Variants in ASIC2 observed in about 807,000 individuals in gnomAD.
ASIC2 encodes the protein acid sensing ion channel subunit 2.
Under a neutral mutation model 57.3 loss-of-function variants are expected in ASIC2, and 25 were observed. That is an observed-to-expected ratio of 0.44 (90% CI 0.32 to 0.61). The LOEUF is 0.61. ASIC2 is among the 20% of genes least tolerant of loss of function. The pLI, the probability that ASIC2 is intolerant of heterozygous loss-of-function variation, is 0.06. For missense variants in ASIC2, 641 were observed against 738.1 expected, an observed-to-expected ratio of 0.87 and a Z score of 1.52; for synonymous variants, 319 against 307.5, an observed-to-expected ratio of 1.04 and a Z score of -0.39.
chr17:33,345,747 G>A (rs989941167), intron 1 of ASIC2, among the ~76,000 whole-genome samples: 24 of 152,206 alleles, frequency 1.6e-4, no homozygotes, highest in African/African-American at 5.1e-4. Flanking sequence ...TGGTTCCAAG[G>A]GCAACAGGTA....
intron 1 of ASIC2, among the ~76,000 whole-genome samples, chr17:33,427,027 C>T (rs1911242748): frequency 1.3e-5 from 2 of 152,274 alleles, no homozygotes; most frequent in African/African-American, 4.8e-5. Context: ...ACTTGAGGAG[C>T]TGCAGTTAAG....
At position 33,857,558 on chromosome 17, in the gene ASIC2, C is replaced by T. The variant is rs184403581; in HGVS notation, c.555+298420G>A. On this transcript the variant is annotated intron_variant, in intron 1 of 9. Coordinates refer to the ASIC2 transcript ENST00000359872. ...AGTCTAGGCTCAGAGGCCTCTGGGG[C>T]CACTGGTGAGACTCAGATGGACCTT... Among the ~76,000 whole-genome samples the T allele has an allele frequency of 2.8e-4, 42 of 152,324 alleles. No homozygotes were observed. In the East Asian group the frequency reaches 7.5e-3, roughly 27 times the overall value.
At chr17:33,670,053 AG>A (rs369429563) in intron 1 of ASIC2, among the ~76,000 whole-genome samples, 3 of 152,220 alleles carry the variant, frequency 2.0e-5, no homozygotes, top group African/African-American at 7.2e-5. Flanking sequence ...TGAGTGATGC[AG>A]AAAGGGAGGC....
intron 1 of ASIC2, among the ~76,000 whole-genome samples, chr17:34,023,463 G>A (rs1475397898): frequency 6.6e-6 from 1 of 151,820 alleles, no homozygotes; most frequent in Non-Finnish European, 1.5e-5. Flanking sequence ...GGCAGACTTT[G>A]CTATCATTTG....
At chr17:34,114,615 A>G (rs1207632203) in intron 1 of ASIC2, among the ~76,000 whole-genome samples, 1 of 152,204 alleles carries the variant, frequency 6.6e-6, no homozygotes, top group Admixed American at 6.5e-5. Flanking sequence ...GATGTACTAC[A>G]ATTTGCCCAA....
At chr17:33,290,628 C>A (rs547447209) in intron 1 of ASIC2, 1 of 152,378 alleles carries the variant, frequency 6.6e-6, no homozygotes, top group East Asian at 1.9e-4. Context: ...TGCTAGGATG[C>A]TTTCTCAACT....
intron 1 of ASIC2, among the ~76,000 whole-genome samples, chr17:33,193,203 A>G (rs191840233): frequency 2.5e-4 from 38 of 152,348 alleles, no homozygotes; most frequent in Middle Eastern, 3.4e-3. Context: ...TTAACACATG[A>G]TAAGTGTCAG....
intron 1 of ASIC2, among the ~76,000 whole-genome samples, chr17:33,475,009 T>G (rs1913173787): frequency 6.6e-6 from 1 of 152,204 alleles, no homozygotes; most frequent in Admixed American, 6.5e-5. Flanking sequence ...TCCAGGATGG[T>G]TTTTTGTTAC....
At chr17:33,646,424 G>A (rs764544199) in intron 1 of ASIC2, among the ~76,000 whole-genome samples, 2 of 152,170 alleles carry the variant, frequency 1.3e-5, no homozygotes, top group African/African-American at 4.8e-5. Context: ...GGGCTTGGAA[G>A]GGGAAAAGAA....
intron 1 of ASIC2, among the ~76,000 whole-genome samples, chr17:33,907,957 C>T (rs1186799915): frequency 1.3e-5 from 2 of 152,194 alleles, no homozygotes; most frequent in African/African-American, 4.8e-5. Context: ...AGCACCTACT[C>T]AGTGCAGGGC....
At chr17:33,673,090 G>A (rs1055740295) in intron 1 of ASIC2, among the ~76,000 whole-genome samples, 13 of 152,200 alleles carry the variant, frequency 8.5e-5, no homozygotes, top group African/African-American at 2.9e-4. Context: ...GAAATCAGGG[G>A]TGACCTCATA....
intron 1 of ASIC2, among the ~76,000 whole-genome samples, chr17:33,628,388 C>T (rs1456972794): frequency 6.6e-6 from 1 of 151,920 alleles, no homozygotes; most frequent in Non-Finnish European, 1.5e-5. Context: ...ACCTCCTTGG[C>T]TCAAGTGATC....
chr17:33,693,265 CTG>C (rs1207587081), intron 1 of ASIC2, among the ~76,000 whole-genome samples: 1 of 152,132 alleles, frequency 6.6e-6, no homozygotes, highest in African/African-American at 2.4e-5. Flanking sequence ...CAAAAACAAT[CTG>C]TTGTTAATTT....
chr17:33,525,522 G>A (rs1914862203), intron 1 of ASIC2, among the ~76,000 whole-genome samples: 1 of 152,200 alleles, frequency 6.6e-6, no homozygotes, highest in South Asian at 2.1e-4. Context: ...GTCCAACCTG[G>A]TGTAATTCCA....
intron 1 of ASIC2, among the ~76,000 whole-genome samples, chr17:33,722,401 T>C (rs903338084): frequency 1.3e-5 from 2 of 152,150 alleles, no homozygotes; most frequent in Admixed American, 1.3e-4. Context: ...AATAGACTAA[T>C]ACAATAAGAA....
At position 33,289,478 on chromosome 17, in the gene ASIC2, G is replaced by A. The variant is rs374985262; in HGVS notation, c.708+1930C>T. ...CACTTTCCACTCTCCCAGCTCCTAG[G>A]AGGGACAGGATTCCTAGGAGTAGAG... is the stretch of plus-strand genomic sequence containing the variant. On this transcript the variant is annotated intron_variant, in intron 1 of 9. Transcript: ENST00000225823. 9.8e-4 allele frequency among the ~76,000 whole-genome samples: 150 copies of A among 152,290 alleles called. 1 individual carries two copies. Among genetic ancestry groups the A allele is most frequent in the African/African-American group, 3.6e-3 (149 of 41,574 alleles).
chr17:33,162,836 G>C (rs921694547), intron 1 of ASIC2, among the ~76,000 whole-genome samples: 1 of 152,222 alleles, frequency 6.6e-6, no homozygotes, highest in African/African-American at 2.4e-5. Context: ...CTGGAGGGCA[G>C]CTTCTGTAGG....
intron 1 of ASIC2, among the ~76,000 whole-genome samples, chr17:33,864,751 T>C (rs1382018982): frequency 1.3e-5 from 2 of 152,050 alleles, no homozygotes; most frequent in Non-Finnish European, 2.9e-5. Context: ...GAGAAACAGA[T>C]CATTGGAAGC....
intron 1 of ASIC2, among the ~76,000 whole-genome samples, chr17:33,939,708 A>C (rs1916143040): frequency 6.6e-6 from 1 of 152,206 alleles, no homozygotes; most frequent in Non-Finnish European, 1.5e-5. Flanking sequence ...GTGAGCAGGC[A>C]GCTGGAACCA....
Sources: gnomAD v4.1 joint callset for allele counts (sites outside exome capture counted in the v4.1 genomes callset) on GRCh38, gnomAD v4.1.1 for gene constraint, MANE v1.5 for transcripts, NCBI Gene and HGNC (gene_info 2026-07-23, HGNC 2026-07-21) for gene names.